RNFT2: variants seen among roughly 807,000 people sequenced by gnomAD.
RNFT2 encodes ring finger protein, transmembrane 2.
Under a neutral mutation model 53.0 loss-of-function variants are expected in RNFT2, and 36 were observed. The ratio of observed to expected loss-of-function variants is 0.68; its 90% confidence interval spans 0.52 to 0.90. RNFT2 has a LOEUF of 0.90. Ranked by LOEUF, RNFT2 falls within the 40% of genes least tolerant of loss-of-function variation. The pLI, the probability that RNFT2 is intolerant of heterozygous loss-of-function variation, is 0.00. For missense variants in RNFT2, 514 were observed against 585.6 expected (o/e 0.88, Z 1.26); for synonymous variants, 260 against 253.2 (o/e 1.03, Z -0.26).
intron 3 of RNFT2, chr12:116,748,573 G>T (rs1007524863): frequency 8.1e-6 from 3 of 371,684 alleles, no homozygotes; most frequent in African/African-American, 2.2e-5. Context: ...GAGGTATAAG[G>T]CCCCTAGAAC....
At chr12:116,759,577 C>G (rs1872620290) in intron 5 of RNFT2, among the ~76,000 whole-genome samples, 1 of 152,170 alleles carries the variant, frequency 6.6e-6, no homozygotes, top group Non-Finnish European at 1.5e-5. Flanking sequence ...ACTCTTCCCC[C>G]TTTTCCTATG....
chr12:116,787,711 T>C (rs1356176072), intron 7 of RNFT2, among the ~76,000 whole-genome samples: 1 of 65,640 alleles, frequency 1.5e-5, no homozygotes, highest in African/African-American at 5.4e-5. Context: ...ACATGTTGTC[T>C]CTAAAAGAAA....
intron 3 of RNFT2, 51 bp from the exon 4 acceptor site, chr12:116,749,790 G>T: frequency 6.7e-7 from 1 of 1,494,474 alleles, no homozygotes. Context: ...CTGGAGTAAG[G>T]TCTTTTCCAT....
intron 7 of RNFT2, among the ~76,000 whole-genome samples, chr12:116,798,185 A>G (rs1405020902): frequency 6.6e-6 from 1 of 151,974 alleles, no homozygotes; most frequent in African/African-American, 2.4e-5. Context: ...CCTACAAGCC[A>G]AGGAGAGAGA....
intron 10 of RNFT2, among the ~76,000 whole-genome samples, chr12:116,842,788 A>G (rs1213098152): frequency 7.9e-5 from 12 of 152,116 alleles, no homozygotes; most frequent in Admixed American, 2.6e-4. Flanking sequence ...TAGCCAGGCT[A>G]GTCACAAACT....
intron 7 of RNFT2, among the ~76,000 whole-genome samples, chr12:116,831,801 T>C (rs1430001192): frequency 2.0e-5 from 3 of 151,918 alleles, no homozygotes; most frequent in East Asian, 3.9e-4. Flanking sequence ...TGCGCACCCA[T>C]GTATCCCCCA....
At chr12:116,796,886 A>G (rs1375806923) in intron 7 of RNFT2, among the ~76,000 whole-genome samples, 1 of 152,232 alleles carries the variant, frequency 6.6e-6, no homozygotes, top group Non-Finnish European at 1.5e-5. Context: ...AACTACCCAC[A>G]CACAGGGGCT....
At chr12:116,812,843 C>T (rs1356604238) in intron 7 of RNFT2, among the ~76,000 whole-genome samples, 1 of 151,500 alleles carries the variant, frequency 6.6e-6, no homozygotes, top group Non-Finnish European at 1.5e-5. Flanking sequence ...TAGGGCTGTT[C>T]CTATCTTAGG....
At chr12:116,834,648 A>G (rs1319807246) in intron 8 of RNFT2, among the ~76,000 whole-genome samples, 2 of 152,146 alleles carry the variant, frequency 1.3e-5, no homozygotes, top group Non-Finnish European at 1.5e-5. Context: ...GTTTCATATA[A>G]ATGGAATCAT....
intron 7 of RNFT2, among the ~76,000 whole-genome samples, chr12:116,785,577 C>T (rs1873899601): frequency 6.6e-6 from 1 of 152,170 alleles, no homozygotes; most frequent in Admixed American, 6.6e-5. Flanking sequence ...TTATTACATT[C>T]ATTCCTGCCT....
intron 7 of RNFT2, among the ~76,000 whole-genome samples, chr12:116,800,812 TTAAAA>T (rs3069310): frequency 0.078 from 8,996 of 114,716 alleles, 473 homozygotes; most frequent in South Asian, 0.16. Flanking sequence ...AGACTCCATC[TTAAAA>T]TAAAATAAAA....
At chr12:116,742,999 T>C (rs1392289325) in intron 3 of RNFT2, among the ~76,000 whole-genome samples, 1 of 147,060 alleles carries the variant, frequency 6.8e-6, no homozygotes, top group Non-Finnish European at 1.5e-5. Context: ...GAGGATTGCT[T>C]GAGCCCAGGA....
At chr12:116,752,733 C>A (rs564611891) in intron 4 of RNFT2, among the ~76,000 whole-genome samples, 2 of 152,180 alleles carry the variant, frequency 1.3e-5, no homozygotes, top group African/African-American at 2.4e-5. Flanking sequence ...CAAAAATTAG[C>A]CAGGTGTGGT....
intron 5 of RNFT2, among the ~76,000 whole-genome samples, chr12:116,758,749 C>G (rs1373919471): frequency 6.6e-6 from 1 of 152,118 alleles, no homozygotes; most frequent in East Asian, 1.9e-4. Context: ...GATGGGTTTT[C>G]CTTTATAGGT....
intron 7 of RNFT2, among the ~76,000 whole-genome samples, chr12:116,833,361 C>A (rs752267740): frequency 5.3e-4 from 80 of 152,218 alleles, no homozygotes; most frequent in Non-Finnish European, 6.5e-4. Flanking sequence ...CTGCCCAGGC[C>A]CCTGAGAGCA....
intron 7 of RNFT2, among the ~76,000 whole-genome samples, chr12:116,809,603 G>A (rs1324216632): frequency 6.6e-6 from 1 of 152,146 alleles, no homozygotes; most frequent in Admixed American, 6.6e-5. Context: ...CATCCCGGAG[G>A]TCTCTCTGGT....
chr12:116,830,802 C>T (rs1283303909), intron 7 of RNFT2, among the ~76,000 whole-genome samples: 1 of 151,522 alleles, frequency 6.6e-6, no homozygotes, highest in Admixed American at 6.6e-5. Flanking sequence ...TACTTGAGAG[C>T]CTGAGACAGG....
chr12:116,766,099 C>CT (rs1872901590), intron 5 of RNFT2, among the ~76,000 whole-genome samples: 2 of 151,222 alleles, frequency 1.3e-5, no homozygotes, highest in Admixed American at 6.6e-5. Context: ...TAGCAAGACT[C>CT]TGTCTCTAAA....
At chr12:116,808,721 G>A (rs571474302) in intron 7 of RNFT2, among the ~76,000 whole-genome samples, 7 of 152,236 alleles carry the variant, frequency 4.6e-5, no homozygotes, top group African/African-American at 1.7e-4. Flanking sequence ...ATTTTCTATT[G>A]AACCAAATGA....
Sources: gnomAD v4.1 joint callset for allele counts (sites outside exome capture counted in the v4.1 genomes callset) on GRCh38, gnomAD v4.1.1 for gene constraint, MANE v1.5 for transcripts, NCBI Gene and HGNC (gene_info 2026-07-23, HGNC 2026-07-21) for gene names.